IMMP2L: variants seen among roughly 807,000 people sequenced by gnomAD.
IMMP2L encodes the protein inner mitochondrial membrane peptidase subunit 2.
IMMP2L carries 18 observed loss-of-function variants against 19.3 expected under a neutral mutation model. The observed-to-expected ratio is 0.93, with a 90% confidence interval of 0.64 to 1.38. The LOEUF is 1.38. IMMP2L is among the 40% of genes most tolerant of loss of function. The pLI, the probability that IMMP2L is intolerant of heterozygous loss-of-function variation, is 0.00. For synonymous variants in IMMP2L, 76 were observed against 73.0 expected (o/e 1.04, Z -0.21); for missense variants, 233 against 218.2 (o/e 1.07, Z -0.43).
intron 3 of IMMP2L, among the ~76,000 whole-genome samples, chr7:111,341,665 T>C (rs1386526702): frequency 6.6e-6 from 1 of 152,120 alleles, no homozygotes; most frequent in African/African-American, 2.4e-5. Flanking sequence ...CCACAGAGGA[T>C]AGAGCTAGAA....
chr7:111,204,275 T>C (rs1449174916), intron 3 of IMMP2L, among the ~76,000 whole-genome samples: 2 of 152,150 alleles, frequency 1.3e-5, no homozygotes. Context: ...ACCTTTAAAA[T>C]GCAATTTGGG....
chr7:111,365,902 A>G (rs1191411045), intron 3 of IMMP2L, among the ~76,000 whole-genome samples: 1 of 152,116 alleles, frequency 6.6e-6, no homozygotes, highest in East Asian at 1.9e-4. Flanking sequence ...ATTATAAACC[A>G]CCAGTAAAAA....
chr7:111,000,838 C>T (rs1415110517), intron 3 of IMMP2L, among the ~76,000 whole-genome samples: 9 of 110,548 alleles, frequency 8.1e-5, no homozygotes, highest in African/African-American at 1.2e-4. Context: ...AGCCAGACTC[C>T]TCTGTCTTAA....
chr7:110,862,856 A>G (rs1265161389), intron 5 of IMMP2L, among the ~76,000 whole-genome samples: 1 of 152,014 alleles, frequency 6.6e-6, no homozygotes, highest in African/African-American at 2.4e-5. Context: ...AAGTTTGAGT[A>G]CAGCCTTAGA....
At chr7:110,719,085 G>A (rs1332570850) in intron 5 of IMMP2L, among the ~76,000 whole-genome samples, 1 of 152,130 alleles carries the variant, frequency 6.6e-6, no homozygotes, top group East Asian at 1.9e-4. Flanking sequence ...GTTGAAATAA[G>A]GAAAATCGGG....
chr7:111,314,137 T>A (rs1196492419), intron 3 of IMMP2L, among the ~76,000 whole-genome samples: 1 of 152,080 alleles, frequency 6.6e-6, no homozygotes, highest in Non-Finnish European at 1.5e-5. Flanking sequence ...CCTCTCATCT[T>A]ATAAATTGCC....
chr7:111,193,156 T>G (rs560626603), intron 3 of IMMP2L, among the ~76,000 whole-genome samples: 8 of 152,162 alleles, frequency 5.3e-5, no homozygotes, highest in Non-Finnish European at 8.8e-5. Flanking sequence ...CTCTTTTGTT[T>G]ATTTCTCTTT....
intron 4 of IMMP2L, among the ~76,000 whole-genome samples, chr7:110,946,392 CA>C (rs1817252996): frequency 6.6e-6 from 1 of 152,002 alleles, no homozygotes; most frequent in South Asian, 2.1e-4. Context: ...AATATTGAGA[CA>C]AATATATTGC....
chr7:111,039,761 C>G (rs879688337), intron 3 of IMMP2L, among the ~76,000 whole-genome samples: 2 of 152,166 alleles, frequency 1.3e-5, no homozygotes, highest in Non-Finnish European at 2.9e-5. Flanking sequence ...CTCCCTTAAT[C>G]GTGTGCAAAT....
intron 5 of IMMP2L, among the ~76,000 whole-genome samples, chr7:110,687,882 G>C (rs1202012237): frequency 1.3e-5 from 2 of 151,790 alleles, no homozygotes; most frequent in Non-Finnish European, 2.9e-5. Flanking sequence ...TATCTGGCTG[G>C]GGATGGGTCG....
intron 3 of IMMP2L, among the ~76,000 whole-genome samples, chr7:111,378,056 G>C (rs554297358): frequency 6.6e-6 from 1 of 151,782 alleles, no homozygotes; most frequent in African/African-American, 2.4e-5. Context: ...CTTGGTAGCT[G>C]AAGATCGTGT....
rs1262691051 is a variant in IMMP2L at position 110,803,348 on chromosome 7, G to C, written c.408+83245C>G. ...CCACTTTGAATATCATCAAACTGCAGAACCTGGACTCAATTTGATCTGCCA... is the reference window on the plus strand; with the variant it reads ...CCACTTTGAATATCATCAAACTGCACAACCTGGACTCAATTTGATCTGCCA... On this transcript the variant is annotated intron_variant, in intron 5 of 5. Transcript: ENST00000405709. The surrounding 1 kb of genome is among the most constrained non-coding windows in gnomAD (Gnocchi z 4.2). Among the ~76,000 whole-genome samples, 1 of 152,090 alleles carries C rather than the reference G, an allele frequency of 6.6e-6. No homozygotes were observed. Among genetic ancestry groups the C allele is most frequent in the African/African-American group, 2.4e-5 (1 of 41,448 alleles).
At chr7:111,452,993 G>A (rs995248332) in intron 3 of IMMP2L, among the ~76,000 whole-genome samples, 11 of 152,104 alleles carry the variant, frequency 7.2e-5, no homozygotes, top group Admixed American at 2.6e-4. Context: ...CATAGTAGGA[G>A]CTCTACTGAA....
chr7:111,400,554 T>A (rs1355703167), intron 3 of IMMP2L, among the ~76,000 whole-genome samples: 1 of 152,092 alleles, frequency 6.6e-6, no homozygotes, highest in Non-Finnish European at 1.5e-5. Context: ...CCATTTAAAA[T>A]GTTCTCACCT....
At chr7:111,024,550 G>A (rs1754304419) in intron 3 of IMMP2L, among the ~76,000 whole-genome samples, 1 of 152,164 alleles carries the variant, frequency 6.6e-6, no homozygotes, top group Admixed American at 6.5e-5. Context: ...GGCTCACCTT[G>A]TTTCCCATCT....
chr7:111,402,959 C>T (rs1207731359), intron 3 of IMMP2L, among the ~76,000 whole-genome samples: 1 of 148,276 alleles, frequency 6.7e-6, no homozygotes, highest in East Asian at 2.0e-4. Context: ...GTCTGGAGTG[C>T]TGTGGTGCAA....
At chr7:110,897,719 G>T (rs751381305) in intron 4 of IMMP2L, among the ~76,000 whole-genome samples, 5 of 152,020 alleles carry the variant, frequency 3.3e-5, no homozygotes, top group Non-Finnish European at 5.9e-5. Flanking sequence ...ATAAATGATG[G>T]TATGTCCATA....
chr7:110,900,855 T>C (rs1488547647), intron 4 of IMMP2L, among the ~76,000 whole-genome samples: 1 of 152,184 alleles, frequency 6.6e-6, no homozygotes, highest in Middle Eastern at 3.4e-3. Flanking sequence ...GTGTGGATTG[T>C]TCCTTCTGGG....
chr7:111,521,716 G>GA (rs1267657774), intron 1 of IMMP2L, among the ~76,000 whole-genome samples: 2 of 152,000 alleles, frequency 1.3e-5, no homozygotes, highest in South Asian at 2.1e-4. Context: ...CAGTAAGTTA[G>GA]AAAAAAACAA....
Sources: gnomAD v4.1 joint callset for allele counts (sites outside exome capture counted in the v4.1 genomes callset) on GRCh38, gnomAD v4.1.1 for gene constraint, Gnocchi (gnomAD v3.1) non-coding constraint, MANE v1.5 for transcripts, NCBI Gene and HGNC (gene_info 2026-07-23, HGNC 2026-07-21) for gene names.